Variants in UBAP2 observed in about 807,000 individuals in gnomAD.
The protein encoded by UBAP2 is ubiquitin-associated protein 2.
In UBAP2, 75 loss-of-function variants were observed where a neutral mutation model predicts 139.6. That is an observed-to-expected ratio of 0.54 (90% confidence interval 0.45 to 0.65). The LOEUF is 0.65. Ranked by LOEUF, UBAP2 falls within the 30% of genes least tolerant of loss-of-function variation. The probability of loss-of-function intolerance (pLI) is 0.00; values close to 1 mark genes in which losing one functional copy is unlikely to be tolerated. For missense variants in UBAP2, 1,368 were observed against 1,369.6 expected (o/e 1.00, Z 0.02); for synonymous variants, 526 against 526.2 (o/e 1.00, Z 0.01).
chr9:34,040,401 A>T (rs1298576967), intron 1 of UBAP2, among the ~76,000 whole-genome samples: 2 of 151,864 alleles, frequency 1.3e-5, no homozygotes. Context: ...ATATAATGGC[A>T]GACATATATC....
At chr9:34,038,474 G>A (rs532497309) in intron 1 of UBAP2, among the ~76,000 whole-genome samples, 6 of 152,292 alleles carry the variant, frequency 3.9e-5, no homozygotes, top group Non-Finnish European at 8.8e-5. Context: ...TGGTGGAGAC[G>A]GGGTTTCGCT....
At chr9:33,957,936 C>T (rs1293375130) in intron 10 of UBAP2, among the ~76,000 whole-genome samples, 1 of 152,028 alleles carries the variant, frequency 6.6e-6, no homozygotes, top group Admixed American at 6.6e-5. Context: ...TATTCCAAAA[C>T]AGGGTGTGTG....
intron 1 of UBAP2, among the ~76,000 whole-genome samples, chr9:34,025,970 G>T (rs1325150855): frequency 6.6e-6 from 1 of 152,174 alleles, no homozygotes; most frequent in Non-Finnish European, 1.5e-5. Flanking sequence ...AGACTTAACT[G>T]AAAATGGTTG....
intron 1 of UBAP2, among the ~76,000 whole-genome samples, chr9:34,047,219 C>G (rs1827680745): frequency 6.6e-6 from 1 of 152,122 alleles, no homozygotes; most frequent in African/African-American, 2.4e-5. Flanking sequence ...GAAAATCTCT[C>G]GTCACACGTA....
chr9:34,041,015 G>C (rs1429501058), intron 1 of UBAP2, among the ~76,000 whole-genome samples: 1 of 152,122 alleles, frequency 6.6e-6, no homozygotes, highest in Non-Finnish European at 1.5e-5. Context: ...AATGGACTTT[G>C]TTTGTTGTGG....
intron 19 of UBAP2, chr9:33,928,516 T>A (rs1176077039): frequency 1.3e-5 from 2 of 153,064 alleles, no homozygotes; most frequent in Non-Finnish European, 2.9e-5. Flanking sequence ...AGGCCTTTGC[T>A]CCAAAACCTG....
intron 1 of UBAP2, among the ~76,000 whole-genome samples, chr9:34,023,127 G>A (rs1825106807): frequency 6.6e-6 from 1 of 151,702 alleles, no homozygotes; most frequent in Non-Finnish European, 1.5e-5. Context: ...TCGGGAGGCT[G>A]AGGCAGAAGA....
chr9:34,039,817 G>C (rs1826876475), intron 1 of UBAP2, among the ~76,000 whole-genome samples: 1 of 118,450 alleles, frequency 8.4e-6, no homozygotes, highest in Non-Finnish European at 1.7e-5. Context: ...CCCCCTCTGC[G>C]AGAAACACCC....
At chr9:33,990,490 T>C (rs1015093596) in intron 4 of UBAP2, among the ~76,000 whole-genome samples, 4 of 152,308 alleles carry the variant, frequency 2.6e-5, no homozygotes, top group East Asian at 3.9e-4. Flanking sequence ...ATATAAATTA[T>C]GTTCCACCTC....
chr9:34,017,030 A>AT lies in UBAP2; in HGVS notation c.99+19_99+20insA. 2 of 1,542,910 alleles carry AT rather than the reference A, an allele frequency of 1.3e-6. No individual in the cohort carries two copies. The highest frequency in any genetic ancestry group is 1.7e-6 in the Non-Finnish European group (2 of 1,143,436). ...AAGAAAAAAAAGGAAAAAAAAAAAA[A>AT]GAGTTCCACAAAAACTTACCTGTAC... On this transcript the variant is annotated intron_variant, in intron 2 of 28. Coordinates refer to ENST00000379238, the MANE Select transcript of UBAP2 (RefSeq NM_001370062.2).
intron 2 of UBAP2, chr9:34,011,537 G>T: frequency 2.6e-6 from 2 of 760,708 alleles, no homozygotes; most frequent in Non-Finnish European, 3.2e-6. Flanking sequence ...AATACCCTGA[G>T]TCAAGAAAAA....
chr9:34,020,354 T>C (rs1007122481), intron 1 of UBAP2, among the ~76,000 whole-genome samples: 3 of 151,050 alleles, frequency 2.0e-5, no homozygotes, highest in Non-Finnish European at 2.9e-5. Context: ...AGAGTCTCAC[T>C]CCATCACCCA....
intron 17 of UBAP2, among the ~76,000 whole-genome samples, chr9:33,933,832 G>A (rs1284457000): frequency 6.6e-6 from 1 of 152,060 alleles, no homozygotes. Context: ...ACCACACCAT[G>A]GTCAGCTGTT....
chr9:33,993,785 T>C (rs2131168050), intron 4 of UBAP2, among the ~76,000 whole-genome samples: 1 of 152,332 alleles, frequency 6.6e-6, no homozygotes, highest in East Asian at 1.9e-4. Flanking sequence ...GAACTTCATT[T>C]GCTATTTTCT....
intron 9 of UBAP2, 63 bp from the exon 10 acceptor site, chr9:33,960,941 T>C (rs545014474): frequency 5.9e-6 from 9 of 1,526,056 alleles, no homozygotes; most frequent in African/African-American, 2.7e-5. Context: ...TCAGTCCAAA[T>C]GATTCCTTTT....
At chr9:34,016,283 AGGAG>A (rs1824291215) in intron 2 of UBAP2, among the ~76,000 whole-genome samples, 1 of 14,634 alleles carries the variant, frequency 6.8e-5, no homozygotes, top group Non-Finnish European at 2.2e-4. Context: ...AAGGAGGAAG[AGGAG>A]GAGGAGGAAG....
At chr9:33,922,929 C>CA in intron 27 of UBAP2, 37 bp downstream of exon 27, 4 of 1,614,052 alleles carry the variant, frequency 2.5e-6, no homozygotes, top group Non-Finnish European at 3.4e-6. Context: ...TGTAACCTCT[C>CA]AAAAACCTAT....
intron 2 of UBAP2, among the ~76,000 whole-genome samples, chr9:34,008,409 G>A (rs540072383): frequency 7.9e-5 from 12 of 151,788 alleles, no homozygotes; most frequent in South Asian, 4.2e-4. Flanking sequence ...GAACCAGGAT[G>A]GTGTGTGGAA....
At chr9:33,977,974 C>A (rs1033005938) in intron 6 of UBAP2, among the ~76,000 whole-genome samples, 29 of 146,452 alleles carry the variant, frequency 2.0e-4, no homozygotes, top group African/African-American at 6.0e-4. Flanking sequence ...AAGATCGCAC[C>A]ACTGCACTCC....
Sources: allele counts gnomAD v4.1 joint callset (sites outside exome capture counted in the v4.1 genomes callset), GRCh38; gene constraint gnomAD v4.1.1; transcripts MANE v1.5; gene names NCBI Gene and HGNC (gene_info 2026-07-23, HGNC 2026-07-21).